The following TRPM3 variants were observed in gnomAD, a reference collection of about 807,000 sequenced individuals.
TRPM3 encodes the protein transient receptor potential cation channel subfamily M member 3, also known as long transient receptor potential channel 3.
Under a neutral mutation model 181.2 loss-of-function variants are expected in TRPM3, and 77 were observed. The observed-to-expected ratio is 0.42, with a 90% confidence interval of 0.35 to 0.51. The LOEUF (loss-of-function observed/expected upper bound fraction) is 0.51, where lower values mean the gene tolerates loss of function less well. Among genes scored for constraint, TRPM3 ranks in the 20% least tolerant of loss-of-function variants. The pLI, the probability that TRPM3 is intolerant of heterozygous loss-of-function variation, is 0.01. For synonymous variants in TRPM3, 745 were observed against 796.4 expected (o/e 0.94, Z 1.09); for missense variants, 1,759 against 2,196.7 (o/e 0.80, Z 3.98).
intron 1 of TRPM3, among the ~76,000 whole-genome samples, chr9:70,948,331 G>A (rs1230607310): frequency 6.6e-6 from 1 of 152,104 alleles, no homozygotes; most frequent in African/African-American, 2.4e-5. Context: ...GAGGTACATT[G>A]TGAGTCACCT....
At chr9:71,251,324 A>G (rs1424516946) in intron 1 of TRPM3, among the ~76,000 whole-genome samples, 1 of 152,130 alleles carries the variant, frequency 6.6e-6, no homozygotes, top group Non-Finnish European at 1.5e-5. Flanking sequence ...GAACTCCCCT[A>G]TCATAGCATT....
intron 22 of TRPM3, among the ~76,000 whole-genome samples, chr9:70,583,811 C>T (rs1480928555): frequency 1.3e-5 from 2 of 152,136 alleles, no homozygotes; most frequent in African/African-American, 4.8e-5. Context: ...TACTAGAGTT[C>T]CAGTCTTTAG....
chr9:70,773,671 T>C (rs986435808), intron 7 of TRPM3, among the ~76,000 whole-genome samples: 2 of 152,172 alleles, frequency 1.3e-5, no homozygotes, highest in Non-Finnish European at 2.9e-5. Flanking sequence ...CTCAATTAGC[T>C]TGTCTCTCAG....
intron 1 of TRPM3, among the ~76,000 whole-genome samples, chr9:70,942,780 C>T (rs2096898282): frequency 6.6e-6 from 1 of 152,054 alleles, no homozygotes; most frequent in African/African-American, 2.4e-5. Context: ...TAGCTTTGAC[C>T]AGGGTTTCTC....
intron 1 of TRPM3, among the ~76,000 whole-genome samples, chr9:70,953,607 G>A (rs928440758): frequency 1.3e-5 from 2 of 152,078 alleles, no homozygotes; most frequent in African/African-American, 4.8e-5. Context: ...TTAATATGAG[G>A]TGAGATTACT....
intron 1 of TRPM3, among the ~76,000 whole-genome samples, chr9:71,418,115 T>C (rs570840543): frequency 2.6e-5 from 4 of 151,876 alleles, no homozygotes; most frequent in Non-Finnish European, 5.9e-5. Flanking sequence ...ATAATAATAA[T>C]AATAGTCAGC....
intron 1 of TRPM3, among the ~76,000 whole-genome samples, chr9:71,279,951 T>C (rs1022062295): frequency 6.6e-6 from 1 of 151,818 alleles, no homozygotes; most frequent in Non-Finnish European, 1.5e-5. Flanking sequence ...TGGTGGCACA[T>C]GACTGTCATC....
intron 1 of TRPM3, among the ~76,000 whole-genome samples, chr9:70,923,288 A>G (rs1401432527): frequency 1.3e-5 from 2 of 152,138 alleles, no homozygotes; most frequent in African/African-American, 4.8e-5. Context: ...ACTTTTTAAT[A>G]CCTGTTCACA....
chr9:71,013,525 C>G (rs1267961259), intron 1 of TRPM3, among the ~76,000 whole-genome samples: 1 of 151,680 alleles, frequency 6.6e-6, no homozygotes, highest in Admixed American at 6.6e-5. Flanking sequence ...GATCAAGTCT[C>G]TGAAGGTTTG....
intron 21 of TRPM3, among the ~76,000 whole-genome samples, chr9:70,591,659 T>C (rs2058133416): frequency 6.6e-6 from 1 of 152,196 alleles, no homozygotes; most frequent in African/African-American, 2.4e-5. Flanking sequence ...ACTGCAATGC[T>C]GTAAACCTCC....
intron 1 of TRPM3, among the ~76,000 whole-genome samples, chr9:70,907,849 T>C (rs2096488553): frequency 6.6e-6 from 1 of 152,212 alleles, no homozygotes; most frequent in Non-Finnish European, 1.5e-5. Context: ...GATAATAGCC[T>C]CCAGCTGCAT....
At chr9:71,306,377 T>G (rs554220402) in intron 1 of TRPM3, among the ~76,000 whole-genome samples, 1 of 152,176 alleles carries the variant, frequency 6.6e-6, no homozygotes, top group African/African-American at 2.4e-5. Flanking sequence ...CTGGGTTGAA[T>G]GAGGTGCTTT....
intron 1 of TRPM3, among the ~76,000 whole-genome samples, chr9:70,948,320 G>A (rs1981162): frequency 0.33 from 50,588 of 151,230 alleles, 8,651 homozygotes; most frequent in Admixed American, 0.39. Flanking sequence ...AGTTGGGTGG[G>A]GAGGTACATT....
At chr9:70,651,621 C>T (rs955336568) in intron 9 of TRPM3, among the ~76,000 whole-genome samples, 2 of 152,284 alleles carry the variant, frequency 1.3e-5, no homozygotes, top group Non-Finnish European at 2.9e-5. Context: ...TTTCTGTTGG[C>T]GCTTTGTGAG....
chr9:70,535,234 C>T lies in TRPM3; in HGVS notation c.*719G>A, dbSNP rs924502983. 31 of 625,420 alleles carry T rather than the reference C, an allele frequency of 5.0e-5. No homozygotes were observed. Among genetic ancestry groups the T allele is most frequent in the Admixed American group, 3.0e-4 (9 of 30,132 alleles). 38.7% of individuals were successfully genotyped at this position (625,420 alleles called of 1,614,324 possible). On this transcript the variant is annotated 3_prime_UTR_variant, in exon 26 of 26. Coordinates refer to ENST00000677713, the MANE Select transcript of TRPM3 (RefSeq NM_001366145.2). ...TTTAACATCAACTCTTCTTTCATTT[C>T]GATTGCAATACAAAAAGGCATTTCT...
At chr9:71,314,295 AC>A (rs1480035710) in intron 1 of TRPM3, among the ~76,000 whole-genome samples, 1 of 152,182 alleles carries the variant, frequency 6.6e-6, no homozygotes, top group Non-Finnish European at 1.5e-5. Flanking sequence ...GAAAAATATC[AC>A]ATAAATTGAT....
At chr9:70,556,611 A>G (rs2047772406) in intron 22 of TRPM3, among the ~76,000 whole-genome samples, 1 of 152,144 alleles carries the variant, frequency 6.6e-6, no homozygotes, top group Non-Finnish European at 1.5e-5. Flanking sequence ...AGTCACAGCT[A>G]CTTGGGAGGC....
chr9:70,606,755 A>C (rs1277175488), intron 19 of TRPM3, among the ~76,000 whole-genome samples: 1 of 151,514 alleles, frequency 6.6e-6, no homozygotes. Context: ...CAGTAGGAGA[A>C]CTCTAAGAAT....
At chr9:71,164,274 C>T (rs892613223) in intron 1 of TRPM3, among the ~76,000 whole-genome samples, 5 of 152,186 alleles carry the variant, frequency 3.3e-5, no homozygotes, top group African/African-American at 4.8e-5. Flanking sequence ...AAATGGTTCA[C>T]GGAAATTTGT....
Sources: gnomAD v4.1 joint callset for allele counts (sites outside exome capture counted in the v4.1 genomes callset) on GRCh38, gnomAD v4.1.1 for gene constraint, MANE v1.5 for transcripts, NCBI Gene and HGNC (gene_info 2026-07-23, HGNC 2026-07-21) for gene names.